NRXN1: variants seen among roughly 807,000 people sequenced by gnomAD.
The protein encoded by NRXN1 is neurexin 1, also known as neurexin-1.
Under a neutral mutation model 150.9 loss-of-function variants are expected in NRXN1, and 39 were observed. The observed-to-expected ratio is 0.26, with a 90% CI of 0.20 to 0.34. The LOEUF is 0.34. NRXN1 is among the 10% of genes least tolerant of loss of function. NRXN1 has a pLI of 1.00. For synonymous variants in NRXN1, 924 were observed against 757.0 expected, an observed-to-expected ratio of 1.22 and a Z score of -3.62; for missense variants, 1,815 against 1,949.9, an observed-to-expected ratio of 0.93 and a Z score of 1.30.
chr2:50,138,495 C>T (rs1399010835), intron 18 of NRXN1, among the ~76,000 whole-genome samples: 1 of 152,092 alleles, frequency 6.6e-6, no homozygotes, highest in Non-Finnish European at 1.5e-5. Flanking sequence ...TTCTTAAATG[C>T]TATTTGTGGT....
chr2:50,829,670 C>A (rs1671110331), intron 5 of NRXN1: 28 of 1,611,588 alleles, frequency 1.7e-5, no homozygotes, highest in Middle Eastern at 2.3e-4. Flanking sequence ...TCATAACAGG[C>A]TGACACAGCG....
At chr2:50,316,733 G>A (rs767867599) in intron 17 of NRXN1, among the ~76,000 whole-genome samples, 2 of 151,940 alleles carry the variant, frequency 1.3e-5, no homozygotes, top group African/African-American at 2.4e-5. Context: ...GGTCACTTTT[G>A]ATTTAATGAG....
intron 17 of NRXN1, among the ~76,000 whole-genome samples, chr2:50,359,789 C>T (rs904956064): frequency 2.0e-5 from 3 of 151,910 alleles, no homozygotes; most frequent in Non-Finnish European, 4.4e-5. Flanking sequence ...AAGAGCAACC[C>T]CAAAACACAT....
chr2:50,843,423 G>A (rs1258778604), intron 5 of NRXN1, among the ~76,000 whole-genome samples: 1 of 152,204 alleles, frequency 6.6e-6, no homozygotes, highest in Admixed American at 6.5e-5. Context: ...AAATGAGATA[G>A]TAATGGAGGA....
chr2:50,549,844 A>C lies in NRXN1; in HGVS notation c.1759+2743T>G, dbSNP rs182905574. 2.6e-4 allele frequency among the ~76,000 whole-genome samples: 40 copies of C among 152,264 alleles called. No homozygotes were observed. In the East Asian group the frequency reaches 5.8e-3, roughly 22 times the overall value. On this transcript the variant is annotated intron_variant, in intron 9 of 22. Transcript: ENST00000401669. ...AGAAACCTCATAAAATATTCAAAAT[A>C]ATTTTGTTCTCTGTGAGTATGTGTA...
intron 5 of NRXN1, among the ~76,000 whole-genome samples, chr2:50,870,630 A>C (rs959237574): frequency 6.6e-6 from 1 of 151,918 alleles, no homozygotes; most frequent in Admixed American, 6.6e-5. Context: ...TGAGCTTGTA[A>C]CCCATGTGTT....
At chr2:50,134,969 C>T (rs1408793338) in intron 18 of NRXN1, among the ~76,000 whole-genome samples, 1 of 152,142 alleles carries the variant, frequency 6.6e-6, no homozygotes, top group African/African-American at 2.4e-5. Context: ...CCCTCCACTG[C>T]CTCTTTCTTG....
At chr2:50,522,904 T>TTG (rs2092835105) in intron 12 of NRXN1, among the ~76,000 whole-genome samples, 1 of 150,488 alleles carries the variant, frequency 6.6e-6, no homozygotes, top group African/African-American at 2.5e-5. Context: ...GCTAGTTTTT[T>TTG]TGTATTTTTA....
At chr2:50,983,977 A>G (rs893965488) in intron 2 of NRXN1, among the ~76,000 whole-genome samples, 7 of 150,602 alleles carry the variant, frequency 4.6e-5, no homozygotes, top group Non-Finnish European at 8.9e-5. Context: ...TAATTAATCT[A>G]TTTTTTTTGA....
intron 8 of NRXN1, among the ~76,000 whole-genome samples, chr2:50,595,633 A>G (rs1675074021): frequency 6.6e-6 from 1 of 152,184 alleles, no homozygotes; most frequent in Admixed American, 6.5e-5. Flanking sequence ...CGGATCAAAG[A>G]CAAGTACCCA....
chr2:50,886,053 A>G (rs1268987085), intron 5 of NRXN1, among the ~76,000 whole-genome samples: 1 of 151,452 alleles, frequency 6.6e-6, no homozygotes, highest in African/African-American at 2.4e-5. Flanking sequence ...ACTAATACAG[A>G]GATTTTTATT....
chr2:50,159,552 G>T (rs1279737772), intron 18 of NRXN1, among the ~76,000 whole-genome samples: 1 of 152,150 alleles, frequency 6.6e-6, no homozygotes, highest in Non-Finnish European at 1.5e-5. Context: ...AAATAAGCAT[G>T]CTTATGTCAT....
chr2:50,709,011 A>G (rs1033746507), intron 5 of NRXN1, among the ~76,000 whole-genome samples: 1 of 152,112 alleles, frequency 6.6e-6, no homozygotes, highest in Non-Finnish European at 1.5e-5. Flanking sequence ...CTGATTTCTA[A>G]CAGGGACTGT....
At chr2:50,446,771 T>C (rs1034670252) in intron 17 of NRXN1, among the ~76,000 whole-genome samples, 2 of 152,176 alleles carry the variant, frequency 1.3e-5, no homozygotes, top group Admixed American at 1.3e-4. Flanking sequence ...TTTTATTTTG[T>C]CTTCTACTTG....
intron 5 of NRXN1, among the ~76,000 whole-genome samples, chr2:50,777,860 A>T (rs1703854692): frequency 1.3e-5 from 2 of 152,204 alleles, no homozygotes; most frequent in African/African-American, 4.8e-5. Context: ...CAAAGAGGGT[A>T]ATAATACTGG....
chr2:50,088,258 T>C (rs1409528875), intron 19 of NRXN1, among the ~76,000 whole-genome samples: 1 of 152,126 alleles, frequency 6.6e-6, no homozygotes, highest in African/African-American at 2.4e-5. Flanking sequence ...CCGTTGCAGA[T>C]GAAGTTCCAA....
chr2:50,610,973 T>TG (rs1427742672), intron 8 of NRXN1, among the ~76,000 whole-genome samples: 1 of 149,748 alleles, frequency 6.7e-6, no homozygotes, highest in Admixed American at 6.8e-5. Flanking sequence ...CTTGAACTCC[T>TG]GATTTCAAGT....
At chr2:49,969,136 T>A (rs796357262) in intron 21 of NRXN1, among the ~76,000 whole-genome samples, 24 of 152,280 alleles carry the variant, frequency 1.6e-4, no homozygotes, top group African/African-American at 5.3e-4. Context: ...TTTGGCTTGC[T>A]ATATGTACTT....
intron 5 of NRXN1, among the ~76,000 whole-genome samples, chr2:50,730,748 CT>C (rs1697999873): frequency 7.2e-6 from 1 of 138,726 alleles, no homozygotes; most frequent in African/African-American, 2.7e-5. Flanking sequence ...TCTGGGCTAA[CT>C]GCAAGCTCCG....
Sources: allele counts gnomAD v4.1 joint callset (sites outside exome capture counted in the v4.1 genomes callset), GRCh38; gene constraint gnomAD v4.1.1; transcripts MANE v1.5; gene names NCBI Gene and HGNC (gene_info 2026-07-23, HGNC 2026-07-21).